The following SV2C variants were observed in gnomAD, a reference collection of about 807,000 sequenced individuals.
SV2C encodes the protein synaptic vesicle glycoprotein 2C, also known as solute carrier family 22 member B3.
In SV2C, 49 loss-of-function variants were observed where a neutral mutation model predicts 79.7. The observed-to-expected ratio is 0.61, with a 90% confidence interval of 0.49 to 0.78. SV2C has a LOEUF of 0.78. Among genes scored for constraint, SV2C ranks in the 30% least tolerant of loss-of-function variants. The pLI, the probability that SV2C is intolerant of heterozygous loss-of-function variation, is 0.00. For synonymous variants in SV2C, 334 were observed against 333.2 expected, an observed-to-expected ratio of 1.00 and a Z score of -0.03; for missense variants, 833 against 912.9, an observed-to-expected ratio of 0.91 and a Z score of 1.13.
the SV2C span, among the ~76,000 whole-genome samples, chr5:76,049,002 A>AGAAAGAAG: frequency 9.9e-6 from 1 of 101,176 alleles, no homozygotes; most frequent in Non-Finnish European, 2.1e-5. Flanking sequence ...AAAGAAAGAA[A>AGAAAGAAG]GAAAGAAAGA....
At chr5:76,072,002 T>C in the SV2C span, among the ~76,000 whole-genome samples, 1 of 152,120 alleles carries the variant, frequency 6.6e-6, no homozygotes, top group Non-Finnish European at 1.5e-5. Flanking sequence ...GCTCCAGAGC[T>C]TAGAGCAGCA....
the SV2C span, among the ~76,000 whole-genome samples, chr5:76,049,006 A>AGAAAG: frequency 4.2e-4 from 43 of 103,412 alleles, 1 homozygote; most frequent in African/African-American, 1.3e-3. Context: ...AAAGAAAGAA[A>AGAAAG]GAAAGAAAGA....
At chr5:75,894,706 T>C in the SV2C span, among the ~76,000 whole-genome samples, 2 of 152,064 alleles carry the variant, frequency 1.3e-5, no homozygotes, top group Admixed American at 1.3e-4. Context: ...TAGATAACAG[T>C]TTGACCAAAC....
chr5:75,896,632 G>A, the SV2C span, among the ~76,000 whole-genome samples: 1 of 151,764 alleles, frequency 6.6e-6, no homozygotes, highest in East Asian at 1.9e-4. Context: ...CCCTCCCTGA[G>A]GAATCGTCAC....
At chr5:75,974,158 A>G in the SV2C span, among the ~76,000 whole-genome samples, 1 of 152,012 alleles carries the variant, frequency 6.6e-6, no homozygotes, top group Non-Finnish European at 1.5e-5. Context: ...GTTAATGATG[A>G]GGTTTTTAAT....
the SV2C span, among the ~76,000 whole-genome samples, chr5:76,039,318 G>A: frequency 0.03 from 4,568 of 152,268 alleles, 203 homozygotes; most frequent in African/African-American, 0.099. Context: ...CTACTAGAGC[G>A]TGCCAGGTGA....
chr5:75,959,378 G>A, the SV2C span, among the ~76,000 whole-genome samples: 80 of 152,058 alleles, frequency 5.3e-4, no homozygotes, highest in Non-Finnish European at 4.0e-4. Context: ...TGGCCTCAAA[G>A]CTCATCCTGT....
intron 9 of SV2C, among the ~76,000 whole-genome samples, chr5:76,297,241 AT>A (rs1313752350): frequency 6.6e-6 from 1 of 152,220 alleles, no homozygotes; most frequent in Non-Finnish European, 1.5e-5. Context: ...TTTTTAAAAA[AT>A]AGCTTTTTTA....
At chr5:76,266,049 G>A (rs965729374) in intron 4 of SV2C, among the ~76,000 whole-genome samples, 2 of 152,126 alleles carry the variant, frequency 1.3e-5, no homozygotes, top group South Asian at 4.1e-4. Flanking sequence ...GGTGGGGTGT[G>A]CCCGGAAGGA....
Position 76,301,436 on chromosome 5 carries a change from A to G in SV2C, c.1891A>G (p.Thr631Ala), listed in dbSNP as rs1162094885. The change falls in exon 12 of 13, where the codon ACC becomes GCC. Residue 631 changes from threonine (T) to alanine (A), a missense_variant. By Grantham distance (58) the Thr-to-Ala change is moderately conservative. Coordinates refer to ENST00000502798, the MANE Select transcript of SV2C (RefSeq NM_014979.4). ...CAGCTGTTTCTTCCTTTGGTTCGGC[A>G]CCAGTGAATCCATGATGATAGGCAT... ...GISCFFLWFG[T>A]SESMMIGMLC... 2 of 1,614,056 alleles carry G rather than the reference A, an allele frequency of 1.2e-6. No homozygotes were observed. The highest frequency in any genetic ancestry group is 1.7e-6 in the Non-Finnish European group (2 of 1,179,986).
At chr5:76,194,878 C>A (rs770526732) in intron 2 of SV2C, 41 bp from the exon 3 acceptor site, 61 of 1,601,474 alleles carry the variant, frequency 3.8e-5, no homozygotes, top group Middle Eastern at 1.8e-4. Flanking sequence ...GTCATTGACT[C>A]CCAACCTCTG....
At chr5:76,228,641 A>G (rs1027349558) in intron 4 of SV2C, among the ~76,000 whole-genome samples, 1 of 152,138 alleles carries the variant, frequency 6.6e-6, no homozygotes, top group African/African-American at 2.4e-5. Flanking sequence ...AGTAGGGGAG[A>G]AACACCCCTC....
chr5:76,348,433 G>A (rs1275677161), intron 12 of SV2C, among the ~76,000 whole-genome samples: 2 of 152,158 alleles, frequency 1.3e-5, no homozygotes, highest in Non-Finnish European at 2.9e-5. Flanking sequence ...GGACATAAAA[G>A]TTCCTTTGGG....
chr5:76,152,829 G>A (rs1269093227), intron 2 of SV2C, among the ~76,000 whole-genome samples: 2 of 152,206 alleles, frequency 1.3e-5, no homozygotes, highest in African/African-American at 2.4e-5. Flanking sequence ...TAGGGATGTA[G>A]GCAGTTATGT....
chr5:76,233,617 A>C (rs1463351091), intron 4 of SV2C, among the ~76,000 whole-genome samples: 4 of 150,222 alleles, frequency 2.7e-5, no homozygotes, highest in Non-Finnish European at 5.9e-5. Context: ...ATGTCCCATC[A>C]ATACCTAATT....
rs921922600 is a variant in SV2C at position 76,329,597 on chromosome 5, A to G, written c.*4050A>G. On this transcript the variant is annotated 3_prime_UTR_variant, in exon 13 of 13. Coordinates refer to ENST00000502798, the MANE Select transcript of SV2C (RefSeq NM_014979.4). ...AAGATACCACTGATAAGGTTCCAGCAAAGAGATTAGGACACAGCAGAGACT... is the reference window on the plus strand; with the variant it reads ...AAGATACCACTGATAAGGTTCCAGCGAAGAGATTAGGACACAGCAGAGACT... 1 of 152,234 alleles carries G rather than the reference A, an allele frequency of 6.6e-6. No homozygotes were observed. The highest frequency in any genetic ancestry group is 1.5e-5 in the Non-Finnish European group (1 of 68,052). 9.4% of individuals were successfully genotyped at this position (152,234 alleles called of 1,614,324 possible). A position where few individuals can be genotyped will look rare whatever the true frequency, so the allele number is the denominator to read the frequency against.
At chr5:76,108,297 A>T (rs1747988335) in intron 1 of SV2C, among the ~76,000 whole-genome samples, 1 of 152,212 alleles carries the variant, frequency 6.6e-6, no homozygotes, top group African/African-American at 2.4e-5. Flanking sequence ...GAGAATAGTA[A>T]AGTTAACTTA....
At chr5:76,175,491 GTCA>G (rs568020674) in intron 2 of SV2C, among the ~76,000 whole-genome samples, 67 of 152,322 alleles carry the variant, frequency 4.4e-4, no homozygotes, top group African/African-American at 1.5e-3. Context: ...ATTAGTGACA[GTCA>G]TCATTGTTAA....
At chr5:75,898,781 C>T in the SV2C span, among the ~76,000 whole-genome samples, 13 of 152,146 alleles carry the variant, frequency 8.5e-5, no homozygotes, top group Non-Finnish European at 1.6e-4. Flanking sequence ...TCAACTTCCT[C>T]CTGGTTTAGT....
Sources: gnomAD v4.1 joint callset for allele counts (sites outside exome capture counted in the v4.1 genomes callset) on GRCh38, gnomAD v4.1.1 for gene constraint, MANE v1.5 for transcripts, NCBI Gene and HGNC (gene_info 2026-07-23, HGNC 2026-07-21) for gene names.